The following ASTN2 variants were observed in gnomAD, a reference collection of about 807,000 sequenced individuals.
ASTN2 encodes the protein astrotactin-2.
ASTN2 carries 54 observed loss-of-function variants against 139.8 expected under a neutral mutation model. The observed-to-expected ratio is 0.39, with a 90% CI of 0.31 to 0.48. The LOEUF (loss-of-function observed/expected upper bound fraction) is 0.48. ASTN2 is among the 20% of genes least tolerant of loss of function. The pLI is 0.95. For missense variants in ASTN2, 1,565 were observed against 1,725.1 expected (o/e 0.91, Z 1.64); for synonymous variants, 756 against 719.5 (o/e 1.05, Z -0.81).
chr9:116,780,270 C>G (rs539905860), intron 13 of ASTN2, among the ~76,000 whole-genome samples: 1 of 152,184 alleles, frequency 6.6e-6, no homozygotes, highest in Non-Finnish European at 1.5e-5. Flanking sequence ...TAACTGCACA[C>G]CTACTGTGTG....
At chr9:117,076,914 T>C (rs16934283) in intron 5 of ASTN2, among the ~76,000 whole-genome samples, 7,928 of 152,258 alleles carry the variant, frequency 0.052, 473 homozygotes, top group African/African-American at 0.14. Context: ...GATCCAGCCT[T>C]ACTGGGTAAT....
chr9:116,840,545 C>CA, intron 11 of ASTN2, among the ~76,000 whole-genome samples: 1 of 115,310 alleles, frequency 8.7e-6, no homozygotes, highest in Non-Finnish European at 1.8e-5. Flanking sequence ...GGCGGCTGGC[C>CA]GGGTGGGGGG....
intron 6 of ASTN2, among the ~76,000 whole-genome samples, chr9:117,015,682 AG>A (rs2132601789): frequency 6.6e-6 from 1 of 152,318 alleles, no homozygotes; most frequent in South Asian, 2.1e-4. Context: ...GACAAAGCGA[AG>A]AAAGAAGCTA....
At chr9:116,609,566 CACTA>C (rs905162126) in intron 19 of ASTN2, among the ~76,000 whole-genome samples, 3 of 151,546 alleles carry the variant, frequency 2.0e-5, no homozygotes, top group East Asian at 1.9e-4. Context: ...AAGCATGCAT[CACTA>C]ACTGACAAAA....
intron 16 of ASTN2, among the ~76,000 whole-genome samples, chr9:116,683,252 A>G (rs1464666972): frequency 6.6e-6 from 1 of 152,050 alleles, no homozygotes; most frequent in African/African-American, 2.4e-5. Flanking sequence ...CAAATTGAAG[A>G]GTGAATAGTG....
intron 3 of ASTN2, among the ~76,000 whole-genome samples, chr9:117,177,481 T>A (rs1414518830): frequency 2.0e-5 from 3 of 152,186 alleles, no homozygotes; most frequent in Non-Finnish European, 4.4e-5. Flanking sequence ...ATGGTCCAGG[T>A]GTGTCTGGGA....
At chr9:116,839,887 T>A (rs2416589) in intron 11 of ASTN2, among the ~76,000 whole-genome samples, 2,825 of 91,388 alleles carry the variant, frequency 0.031, 39 homozygotes, top group African/African-American at 0.076. Context: ...TATTATTTTT[T>A]TTTTTTTAAT....
intron 16 of ASTN2, chr9:116,686,901 A>G: frequency 2.0e-6 from 3 of 1,517,804 alleles, no homozygotes; most frequent in Admixed American, 4.1e-5. Flanking sequence ...CGACTTCCCC[A>G]GAATGGAAGT....
intron 7 of ASTN2, among the ~76,000 whole-genome samples, chr9:116,982,370 T>C (rs1279868486): frequency 6.6e-6 from 1 of 152,158 alleles, no homozygotes; most frequent in Non-Finnish European, 1.5e-5. Context: ...CATTTCTTCT[T>C]GCTGAGAACA....
intron 10 of ASTN2, among the ~76,000 whole-genome samples, chr9:116,873,314 G>T (rs551219157): frequency 3.5e-4 from 53 of 152,326 alleles, no homozygotes; most frequent in African/African-American, 1.2e-3. Context: ...AGCTTCCAGG[G>T]GAGGGATAGG....
At chr9:117,291,660 A>T in intron 1 of ASTN2, 147 bp from the exon 2 acceptor site, 1 of 641,046 alleles carries the variant, frequency 1.6e-6, no homozygotes, top group Non-Finnish European at 2.6e-6. Flanking sequence ...TGAGATAGGG[A>T]TCATCACTTT....
chr9:117,263,204 C>T (rs1046108413), intron 2 of ASTN2, among the ~76,000 whole-genome samples: 13 of 152,068 alleles, frequency 8.5e-5, no homozygotes, highest in Non-Finnish European at 1.9e-4. Context: ...CTCTCTTTTT[C>T]CCTAATGATA....
chr9:116,818,207 T>G (rs1283549119), intron 12 of ASTN2, among the ~76,000 whole-genome samples: 2 of 152,236 alleles, frequency 1.3e-5, no homozygotes, highest in Non-Finnish European at 2.9e-5. Flanking sequence ...TTAACCTGGT[T>G]GCAAACAGAT....
At chr9:116,881,306 G>A (rs62565799) in intron 10 of ASTN2, among the ~76,000 whole-genome samples, 7 of 152,186 alleles carry the variant, frequency 4.6e-5, no homozygotes, top group Non-Finnish European at 1.0e-4. Context: ...AAGAAACTGA[G>A]TCATTTAAAA....
In ASTN2 at chr9:116,789,314, A is replaced by C. The variant is rs371847997; in HGVS notation, c.2396+16318T>G. The stretch of plus-strand genomic sequence containing the variant: ...AGGTTCTTTCAAAGTCCTCAGGCAT[A>C]CAATGAATTAACCAGCCCTGGGCTA... On this transcript the variant is annotated intron_variant, in intron 13 of 22. Transcript: ENST00000313400. 2.8e-4 allele frequency among the ~76,000 whole-genome samples: 42 copies of C among 152,336 alleles called. No homozygotes were observed. In the South Asian group the frequency reaches 4.3e-3, roughly 16 times the overall value.
At chr9:117,089,711 AT>A (rs1828657255) in intron 5 of ASTN2, among the ~76,000 whole-genome samples, 1 of 110,902 alleles carries the variant, frequency 9.0e-6, no homozygotes, top group Non-Finnish European at 1.8e-5. Flanking sequence ...CCCAAAGTCC[AT>A]TGTATTCTTC....
At chr9:117,012,751 C>T (rs1479572725) in intron 6 of ASTN2, among the ~76,000 whole-genome samples, 1 of 152,210 alleles carries the variant, frequency 6.6e-6, no homozygotes, top group Non-Finnish European at 1.5e-5. Context: ...AAGTGGCCAC[C>T]TGTGTGGCAT....
rs539910302 is a variant in ASTN2 at position 116,512,260 on chromosome 9, C to G, written c.3356-24760G>C. On this transcript the variant is annotated intron_variant, in intron 19 of 22. Transcript: ENST00000313400. ...ATTTCTGCCTTCATTTCGTTATGTACCCAGTAGTCAGTCAGGAGCACGTTG... is the reference window on the plus strand; with the variant it reads ...ATTTCTGCCTTCATTTCGTTATGTAGCCAGTAGTCAGTCAGGAGCACGTTG... Among the ~76,000 whole-genome samples the G allele has an allele frequency of 2.0e-5, 3 of 152,152 alleles. No individual in the cohort carries two copies. The South Asian group carries it at 6.2e-4, about 32-fold the overall frequency.
At chr9:116,566,516 T>G (rs1588014466) in intron 19 of ASTN2, among the ~76,000 whole-genome samples, 1 of 152,166 alleles carries the variant, frequency 6.6e-6, no homozygotes, top group East Asian at 1.9e-4. Context: ...CAGAACAGTG[T>G]TTCACATAGG....
Sources: gnomAD v4.1 joint callset for allele counts (sites outside exome capture counted in the v4.1 genomes callset) on GRCh38, gnomAD v4.1.1 for gene constraint, MANE v1.5 for transcripts, NCBI Gene and HGNC (gene_info 2026-07-23, HGNC 2026-07-21) for gene names.